PHF11: variants seen among roughly 807,000 people sequenced by gnomAD.
PHF11 encodes PHD finger protein 11.
Under a neutral mutation model 40.5 loss-of-function variants are expected in PHF11, and 38 were observed. That is an observed-to-expected ratio of 0.94 (90% CI 0.72 to 1.23). The LOEUF is 1.23. Among genes scored for constraint, PHF11 ranks in the 50% most tolerant of loss-of-function variants. The pLI is 0.00. For missense variants in PHF11, 369 were observed against 392.4 expected, an observed-to-expected ratio of 0.94 and a Z score of 0.50; for synonymous variants, 127 against 138.2, an observed-to-expected ratio of 0.92 and a Z score of 0.57.
At chr13:49,507,260 A>G (rs1239853856) in intron 2 of PHF11, among the ~76,000 whole-genome samples, 1 of 152,098 alleles carries the variant, frequency 6.6e-6, no homozygotes. Context: ...TATAACAGAC[A>G]CTGATAGACC....
intron 4 of PHF11, 175 bp downstream of exon 4, chr13:49,518,326 A>C (rs202203986): frequency 5.1e-4 from 10 of 19,694 alleles, no homozygotes; most frequent in Admixed American, 2.1e-3. Flanking sequence ...TGAAAAATCT[A>C]TATATATATA....
intron 8 of PHF11, among the ~76,000 whole-genome samples, chr13:49,525,575 C>T (rs549225565): frequency 6.6e-6 from 1 of 151,916 alleles, no homozygotes; most frequent in African/African-American, 2.4e-5. Flanking sequence ...AACTTATATC[C>T]CATGAGTTTA....
Position 49,505,721 on chromosome 13 carries a change from T to G in PHF11, c.95-914T>G, listed in dbSNP as rs112234206. ...TCAACAGCTGGCTTTCTTCTCCCTC[T>G]CTCTGCCTCTTGCCTTTTCTTCCTA... On this transcript the variant is annotated intron_variant, in intron 1 of 9. Coordinates refer to ENST00000378319, the MANE Select transcript of PHF11 (RefSeq NM_001040443.3). 2.6e-3 allele frequency among the ~76,000 whole-genome samples: 392 copies of G among 151,514 alleles called. 2 individuals carry two copies. Among genetic ancestry groups the G allele is most frequent in the Middle Eastern group, 6.8e-3 (2 of 294 alleles).
rs981830727 is a variant in PHF11 at position 49,516,661 on chromosome 13, G to A, written c.325-1357G>A. On this transcript the variant is annotated intron_variant, in intron 3 of 9. Transcript: ENST00000378319. ...GGCTGGAGTGCAATCACAGCTCACC[G>A]CAGCCTTGATTTCCTGGCCCCAAGC... 1.1e-4 allele frequency among the ~76,000 whole-genome samples: 16 copies of A among 151,700 alleles called. 1 individual carries two copies. The highest frequency in any genetic ancestry group is 3.6e-4 in the African/African-American group (15 of 41,244).
At chr13:49,496,116 CG>C in intron 1 of PHF11, 21 bp downstream of exon 1, 9 of 218,840 alleles carry the variant, frequency 4.1e-5, no homozygotes, top group Non-Finnish European at 7.3e-5. Context: ...CGGGGGCGGG[CG>C]GGCGGGCGGG....
chr13:49,502,842 C>A (rs1321632508), intron 1 of PHF11, among the ~76,000 whole-genome samples: 3 of 152,168 alleles, frequency 2.0e-5, no homozygotes, highest in Non-Finnish European at 4.4e-5. Context: ...CCTGCCTCAG[C>A]CTCCCGAGTA....
At chr13:49,513,949 A>G (rs538777624) in intron 3 of PHF11, among the ~76,000 whole-genome samples, 1 of 152,274 alleles carries the variant, frequency 6.6e-6, no homozygotes, top group South Asian at 2.1e-4. Context: ...TGAAAGACAA[A>G]GGTCATCCAT....
At chr13:49,497,309 A>G in intron 1 of PHF11, 1 of 670,822 alleles carries the variant, frequency 1.5e-6, no homozygotes, top group South Asian at 1.5e-5. Context: ...ATGATCTCAA[A>G]CTGAGTATGT....
chr13:49,496,342 G>A, intron 1 of PHF11: 2 of 1,085,898 alleles, frequency 1.8e-6, no homozygotes, highest in Non-Finnish European at 2.3e-6. Flanking sequence ...ACTGCCCATG[G>A]TTTCGCGCGA....
chr13:49,516,307 C>A (rs1339813664), intron 3 of PHF11, among the ~76,000 whole-genome samples: 1 of 151,980 alleles, frequency 6.6e-6, no homozygotes, highest in Non-Finnish European at 1.5e-5. Flanking sequence ...CTGCTTTGTC[C>A]ACTACTGTTT....
intron 2 of PHF11, among the ~76,000 whole-genome samples, chr13:49,510,030 T>TGC (rs957162108): frequency 6.6e-6 from 1 of 151,978 alleles, no homozygotes; most frequent in African/African-American, 2.4e-5. Context: ...TGTGTGTGTG[T>TGC]GCTTTTTTTT....
At chr13:49,503,055 T>C (rs1958931835) in intron 1 of PHF11, among the ~76,000 whole-genome samples, 1 of 152,184 alleles carries the variant, frequency 6.6e-6, no homozygotes, top group Admixed American at 6.5e-5. Flanking sequence ...TTTGTCATCA[T>C]GTGCTTCTCC....
intron 2 of PHF11, among the ~76,000 whole-genome samples, chr13:49,507,873 C>G (rs1054521859): frequency 1.3e-5 from 2 of 152,064 alleles, no homozygotes; most frequent in African/African-American, 4.8e-5. Flanking sequence ...ATTTTGGTAG[C>G]CTTGGGGGTT....
intron 2 of PHF11, among the ~76,000 whole-genome samples, chr13:49,507,382 A>G (rs534729308): frequency 4.5e-4 from 69 of 152,302 alleles, no homozygotes; most frequent in African/African-American, 1.6e-3. Flanking sequence ...TTTCATGACT[A>G]TATTACCATT....
chr13:49,518,916 A>G (rs968082731), intron 4 of PHF11: 1 of 150,322 alleles, frequency 6.7e-6, no homozygotes, highest in African/African-American at 2.5e-5. Context: ...GCTCACTGCA[A>G]GCTCCGCCTC....
chr13:49,496,083 C>T lies in PHF11; in HGVS notation c.82C>T (p.Leu28Phe), dbSNP rs1486494316. The T allele has an allele frequency of 8.3e-7, 1 of 1,203,582 alleles. No individual in the cohort carries two copies. 74.6% of individuals were successfully genotyped at this position (1,203,582 alleles called of 1,614,324 possible). Residue 28 changes from leucine (L) to phenylalanine (F), a missense_variant, in exon 1 of 10, where the codon CTC becomes TTC. Coordinates refer to ENST00000378319, the MANE Select transcript of PHF11 (RefSeq NM_001040443.3). ...PEARPAQEAL[L>F]LPTGVFQVAE... ...GGCCCGGCCCGCGCAGGAGGCGCTC[C>T]TCCTTCCCACCGGTGTGTACCGCGG...
rs769190313 is a variant in PHF11 at position 49,522,056 on chromosome 13, A to T, written c.519A>T (p.Gly173=). Reference sequence around the variant, plus strand: ...TTATATTTTTAGCTAAATTTTCAGGAGTGAAAAGAAAAAGAGGAAGGAAGA... The same window carrying T: ...TTATATTTTTAGCTAAATTTTCAGGTGTGAAAAGAAAAAGAGGAAGGAAGA... The part of the protein sequence containing the change: ...PIIAQSAKFS[G]VKRKRGRKKP... The change falls in exon 6 of 10, where the codon GGA becomes GGT. Residue 173 remains glycine (G), a synonymous_variant. Coordinates refer to ENST00000378319, the MANE Select transcript of PHF11 (RefSeq NM_001040443.3). 2.6e-6 allele frequency: 4 copies of T among 1,517,348 alleles called. No individual in the cohort carries two copies. Among genetic ancestry groups the T allele is most frequent in the Middle Eastern group, 1.7e-4 (1 of 5,868 alleles). 94.0% of individuals were successfully genotyped at this position (1,517,348 alleles called of 1,614,324 possible).
In PHF11 at chr13:49,523,241, G is replaced by A. The variant is rs1383269694; in HGVS notation, c.637G>A (p.Asp213Asn). 9 of 1,601,716 alleles carry A rather than the reference G, an allele frequency of 5.6e-6. No homozygotes were observed. Among genetic ancestry groups the A allele is most frequent in the Non-Finnish European group, 7.7e-6 (9 of 1,168,738 alleles). The change falls in exon 7 of 10, where the codon GAT (aspartate) becomes AAT (asparagine). Residue 213 changes from aspartate to asparagine, a missense_variant and splice_region_variant. Physicochemically the swap from Asp to Asn is conservative, Grantham distance 23 (BLOSUM62 1). Transcript: ENST00000378319. ...QVKEEHGRHT[D>N]ATVKVPFLKK... ...GAAAGAAGAGCATGGCAGACACACA[G>A]GTTTGCGCTAAGTGTTGTCTGTAAC...
intron 3 of PHF11, among the ~76,000 whole-genome samples, chr13:49,515,607 A>C (rs147500400): frequency 1.5e-3 from 225 of 151,978 alleles, no homozygotes; most frequent in Non-Finnish European, 2.2e-3. Context: ...CCAGCCCAAC[A>C]CCAAGCCCAT....
Sources: gnomAD v4.1 joint callset for allele counts (sites outside exome capture counted in the v4.1 genomes callset) on GRCh38, gnomAD v4.1.1 for gene constraint, MANE v1.5 for transcripts, NCBI Gene and HGNC (gene_info 2026-07-23, HGNC 2026-07-21) for gene names.